Variants in WIPI2 observed in about 807,000 individuals in gnomAD.
The protein encoded by WIPI2 is WD repeat domain phosphoinositide-interacting protein 2.
Under a neutral mutation model 52.3 loss-of-function variants are expected in WIPI2, and 28 were observed. That is an observed-to-expected ratio of 0.54 (90% CI 0.40 to 0.73). The LOEUF (loss-of-function observed/expected upper bound fraction) is 0.73. WIPI2 is among the 30% of genes least tolerant of loss of function. The probability of loss-of-function intolerance (pLI) is 0.00; values close to 1 mark genes in which losing one functional copy is unlikely to be tolerated. For missense variants in WIPI2, 506 were observed against 602.9 expected (o/e 0.84, Z 1.68); for synonymous variants, 268 against 245.0 (o/e 1.09, Z -0.88).
At position 5,208,979 on chromosome 7, in the gene WIPI2, G is replaced by A. The variant is rs559896718; in HGVS notation, c.212-5556G>A. Among the ~76,000 whole-genome samples, 64 of 143,600 alleles carry A rather than the reference G, an allele frequency of 4.5e-4. 1 individual carries two copies. Among genetic ancestry groups the A allele is most frequent in the African/African-American group, 1.6e-3 (62 of 38,736 alleles). 94.2% of individuals were successfully genotyped at this position (143,600 alleles called of 152,430 possible). The stretch of plus-strand genomic sequence containing the variant: ...TATGGTATATCTCTTCATTTATTTA[G>A]CTCTTTTTAAATTTGTTTTGGTAAT... On this transcript the variant is annotated intron_variant, in intron 3 of 12. Coordinates refer to ENST00000288828, the MANE Select transcript of WIPI2 (RefSeq NM_015610.4).
At chr7:5,219,892 G>A (rs1485386674) in intron 7 of WIPI2, among the ~76,000 whole-genome samples, 2 of 151,626 alleles carry the variant, frequency 1.3e-5, no homozygotes, top group Non-Finnish European at 2.9e-5. Flanking sequence ...CTGGAGTGCA[G>A]TGGCACAATC....
chr7:5,201,878 G>T (rs73328713), intron 3 of WIPI2, among the ~76,000 whole-genome samples: 3,183 of 152,132 alleles, frequency 0.021, 134 homozygotes, highest in African/African-American at 0.073. Flanking sequence ...TGTTTTGAGG[G>T]TTAATACTTT....
Position 5,227,752 on chromosome 7 carries a change from A to C in WIPI2, c.1014-352A>C, listed in dbSNP as rs1242480999. On this transcript the variant is annotated intron_variant, in intron 10 of 12. Coordinates refer to ENST00000288828, the MANE Select transcript of WIPI2 (RefSeq NM_015610.4). The surrounding 1 kb of genome is among the most constrained non-coding windows in gnomAD (Gnocchi z 8.1). Reference sequence around the variant, plus strand: ...TGCGTGCGGGAAAGATTGTCATTACACCCAGTGATGGCAGGGCTTTGGGCT... The same window carrying C: ...TGCGTGCGGGAAAGATTGTCATTACCCCCAGTGATGGCAGGGCTTTGGGCT... Among the ~76,000 whole-genome samples, 1 of 152,066 alleles carries C rather than the reference A, an allele frequency of 6.6e-6. No homozygotes were observed. The highest frequency in any genetic ancestry group is 2.4e-5 in the African/African-American group (1 of 41,412).
intron 7 of WIPI2, 21 bp from the exon 8 acceptor site, chr7:5,222,581 T>G: frequency 6.2e-7 from 1 of 1,611,308 alleles, no homozygotes; most frequent in South Asian, 1.1e-5. Flanking sequence ...CAAATTCTTC[T>G]TTTCTCTTTT....
intron 3 of WIPI2, among the ~76,000 whole-genome samples, chr7:5,212,322 A>G (rs1782597793): frequency 6.6e-6 from 1 of 152,190 alleles, no homozygotes; most frequent in Admixed American, 6.5e-5. Flanking sequence ...TAGAGGCAAC[A>G]GGTACAGGAT....
chr7:5,226,887 C>T (rs895307630), intron 9 of WIPI2: 4 of 368,788 alleles, frequency 1.1e-5, no homozygotes, highest in Admixed American at 4.3e-5. Context: ...AGGCCCTAGA[C>T]GTCCTCACAC....
rs185909936 is a variant in WIPI2 at position 5,209,694 on chromosome 7, T to C, written c.212-4841T>C. On this transcript the variant is annotated intron_variant, in intron 3 of 12. Coordinates refer to ENST00000288828, the MANE Select transcript of WIPI2 (RefSeq NM_015610.4). ...ACACCTGCTGCTGCTTCAAGAGAGG[T>C]TGGTGCTGTCGGTCTGGGGCTCCCT... Among the ~76,000 whole-genome samples the C allele has an allele frequency of 9.2e-5, 14 of 152,246 alleles. No individual in the cohort carries two copies. The East Asian group carries it at 2.7e-3, about 29-fold the overall frequency.
intron 8 of WIPI2, 124 bp from the exon 9 acceptor site, chr7:5,225,699 G>A: frequency 1.6e-6 from 1 of 626,736 alleles, no homozygotes; most frequent in Non-Finnish European, 2.8e-6. Flanking sequence ...GTGGCTAGAG[G>A]GGAATAAAAC....
intron 1 of WIPI2, 119 bp downstream of exon 1, chr7:5,190,612 C>T: frequency 3.0e-6 from 3 of 1,015,250 alleles, no homozygotes; most frequent in East Asian, 3.5e-5. Context: ...CGGGCCAAGG[C>T]GCGCAGAGGC....
chr7:5,193,152 G>T lies in WIPI2; in HGVS notation c.109G>T (p.Gly37Cys), dbSNP rs1160962950. 1 of 1,613,830 alleles carries T rather than the reference G, an allele frequency of 6.2e-7. No individual in the cohort carries two copies. Among genetic ancestry groups the T allele is most frequent in the Admixed American group, 1.7e-5 (1 of 60,004 alleles). ...VKGASRAAGL[G>C]RRAVVWSLAV... ...AGGGGCATCAAGAGCAGCTGGTCTT[G>T]GCCGTCGCGCTGTTGTCTGGTTAGT... Residue 37 changes from glycine (G) to cysteine (C), a missense_variant, in exon 2 of 13, where the codon GGC (glycine) becomes TGC (cysteine). Around this residue, in one of 4 missense-constraint regions of WIPI2, gnomAD observed 60 missense variants for 49.7 expected, o/e 1.21. Coordinates refer to ENST00000288828, the MANE Select transcript of WIPI2 (RefSeq NM_015610.4).
intron 2 of WIPI2, among the ~76,000 whole-genome samples, chr7:5,198,130 C>T (rs1336507951): frequency 1.3e-5 from 2 of 152,072 alleles, no homozygotes; most frequent in African/African-American, 2.4e-5. Context: ...AAGCCAACGA[C>T]GGGGCCTTTG....
rs2115337304 is a variant in WIPI2 at position 5,233,382 on chromosome 7, AGGTG to A, written c.*2437_*2440del. Reference sequence around the variant, plus strand: ...ACTCTTACTGCTGCGCCAGTGACCCAGGTGGAGAGGGACCCTGAACCAAACAGAA... The same window carrying A: ...ACTCTTACTGCTGCGCCAGTGACCCAGAGAGGGACCCTGAACCAAACAGAA... On this transcript the variant is annotated 3_prime_UTR_variant, in exon 13 of 13. Transcript: ENST00000288828. The A allele has an allele frequency of 6.6e-6, 1 of 152,402 alleles. No individual in the cohort carries two copies. Among genetic ancestry groups the A allele is most frequent in the South Asian group, 2.1e-4 (1 of 4,832 alleles). 9.4% of individuals were successfully genotyped at this position (152,402 alleles called of 1,614,324 possible).
chr7:5,192,987 G>A, intron 1 of WIPI2, 131 bp from the exon 2 acceptor site: 1 of 809,748 alleles, frequency 1.2e-6, no homozygotes, highest in Non-Finnish European at 2.0e-6. Flanking sequence ...AACTATAACT[G>A]TCCTGCCTTT....
At chr7:5,216,498 G>C in intron 4 of WIPI2, 65 bp from the exon 5 acceptor site, 2 of 1,270,846 alleles carry the variant, frequency 1.6e-6, no homozygotes, top group Non-Finnish European at 1.1e-6. Flanking sequence ...CAGTCAACTG[G>C]AGATTGGGGC....
intron 2 of WIPI2, 151 bp from the exon 3 acceptor site, chr7:5,199,425 T>C (rs1781918110): frequency 1.1e-5 from 7 of 644,000 alleles, no homozygotes; most frequent in Non-Finnish European, 1.9e-5. Flanking sequence ...AAGCACTTGA[T>C]ACAAACAGTG....
chr7:5,209,728 C>A (rs750037914), intron 3 of WIPI2, among the ~76,000 whole-genome samples: 1 of 152,040 alleles, frequency 6.6e-6, no homozygotes, highest in Non-Finnish European at 1.5e-5. Context: ...CTTCTCTTTC[C>A]TTCTTCAGGT....
At chr7:5,196,356 A>AT (rs751040749) in intron 2 of WIPI2, among the ~76,000 whole-genome samples, 2 of 152,348 alleles carry the variant, frequency 1.3e-5, no homozygotes, top group Non-Finnish European at 2.9e-5. Context: ...CTAAAAAAAA[A>AT]GAAAAACCAA....
intron 3 of WIPI2, 142 bp downstream of exon 3, chr7:5,199,800 C>T: frequency 3.7e-6 from 3 of 819,546 alleles, no homozygotes; most frequent in Middle Eastern, 3.8e-4. Context: ...TTCATCTCCC[C>T]AAGAGGTGGC....
intron 7 of WIPI2, among the ~76,000 whole-genome samples, chr7:5,221,017 G>A (rs10246437): frequency 0.032 from 4,581 of 143,854 alleles, 97 homozygotes; most frequent in Middle Eastern, 0.096. Context: ...AGGCTCAAGT[G>A]CAGTGGTATG....
Sources: gnomAD v4.1 joint callset for allele counts (sites outside exome capture counted in the v4.1 genomes callset) on GRCh38, gnomAD v4.1.1 for gene constraint, gnomAD v4.1.1 regional missense constraint, Gnocchi (gnomAD v3.1) non-coding constraint, MANE v1.5 for transcripts, NCBI Gene and HGNC (gene_info 2026-07-23, HGNC 2026-07-21) for gene names.